ETS1: variants seen among roughly 807,000 people sequenced by gnomAD.
ETS1 encodes the protein protein C-ets-1.
In ETS1, 15 loss-of-function variants were observed where a neutral mutation model predicts 58.6. That is an observed-to-expected ratio of 0.26 (90% CI 0.17 to 0.39). ETS1 has a LOEUF of 0.39. ETS1 is among the 10% of genes least tolerant of loss of function. The pLI is 1.00. For synonymous variants in ETS1, 214 were observed against 218.2 expected, an observed-to-expected ratio of 0.98 and a Z score of 0.17; for missense variants, 417 against 610.5, an observed-to-expected ratio of 0.68 and a Z score of 3.34.
At chr11:128,521,476 G>A (rs572298927) in intron 3 of ETS1, among the ~76,000 whole-genome samples, 1 of 152,268 alleles carries the variant, frequency 6.6e-6, no homozygotes, top group Middle Eastern at 3.4e-3. Flanking sequence ...AGGCCAACCC[G>A]TTAGACTGCC....
At chr11:128,485,111 T>G (rs1388034500) in intron 6 of ETS1, 40 bp from the exon 7 acceptor site, 1 of 1,583,878 alleles carries the variant, frequency 6.3e-7, no homozygotes, top group African/African-American at 1.4e-5. Context: ...AGGAGAGATT[T>G]GTACCTAAAA....
chr11:128,552,109 G>A (rs977495518), intron 3 of ETS1, among the ~76,000 whole-genome samples: 1 of 152,090 alleles, frequency 6.6e-6, no homozygotes, highest in Admixed American at 6.5e-5. Context: ...TAGTGATGCT[G>A]CTGGTCTGGG....
rs1862099030 is a variant in ETS1, at chr11:128,468,501, A to T, written c.1124-4874T>A. On this transcript the variant is annotated intron_variant, in intron 8 of 9. Coordinates refer to ENST00000392668, the MANE Select transcript of ETS1 (RefSeq NM_001143820.2). The stretch of plus-strand genomic sequence containing the variant: ...GGAGTTGCCTGCCTGTGACAAGGAC[A>T]TCCTCACAGCAAGTGAACAGGGTCA... 2.0e-5 allele frequency among the ~76,000 whole-genome samples: 3 copies of T among 152,168 alleles called. No homozygotes were observed. In the East Asian group the frequency reaches 5.8e-4, roughly 29 times the overall value.
chr11:128,475,079 A>C (rs1234431512), intron 8 of ETS1, among the ~76,000 whole-genome samples: 1 of 152,260 alleles, frequency 6.6e-6, no homozygotes, highest in African/African-American at 2.4e-5. Flanking sequence ...TTATCTCCCC[A>C]AATTAAAAGG....
chr11:128,544,913 C>T (rs963884455), intron 3 of ETS1, among the ~76,000 whole-genome samples: 4 of 151,606 alleles, frequency 2.6e-5, no homozygotes, highest in Admixed American at 2.0e-4. Context: ...AACTTCAGCA[C>T]GTGCTGTGTA....
At chr11:128,519,160 T>C (rs1863599438) in intron 3 of ETS1, among the ~76,000 whole-genome samples, 1 of 152,242 alleles carries the variant, frequency 6.6e-6, no homozygotes, top group Non-Finnish European at 1.5e-5. Context: ...GAAAAGTCAA[T>C]TCTACTGTTA....
intron 3 of ETS1, among the ~76,000 whole-genome samples, chr11:128,550,663 G>A (rs576868071): frequency 2.6e-5 from 4 of 152,228 alleles, no homozygotes; most frequent in South Asian, 2.1e-4. Flanking sequence ...CCCCAACCTC[G>A]GCCTTCTGTG....
Position 128,463,470 on chromosome 11 carries a change from C to T in ETS1, c.1242+39G>A. ...CCCCTTCCAGGAGTTTTCTCTCATC[C>T]TTCCTCAACACAGTACTCGCAAGCC... On this transcript the variant is annotated intron_variant, in intron 9 of 9. Coordinates refer to ENST00000392668, the MANE Select transcript of ETS1 (RefSeq NM_001143820.2). The surrounding 1 kb of genome is among the most constrained non-coding windows in gnomAD (Gnocchi z 4.1). The T allele has an allele frequency of 8.6e-7, 1 of 1,168,024 alleles. No individual in the cohort carries two copies. The highest frequency in any genetic ancestry group is 1.3e-6 in the Non-Finnish European group (1 of 775,114). 72.4% of individuals were successfully genotyped at this position (1,168,024 alleles called of 1,614,324 possible). A position where few individuals can be genotyped will look rare whatever the true frequency, so the allele number is the denominator to read the frequency against.
At position 128,489,496 on chromosome 11, in the gene ETS1, G is replaced by C; in HGVS notation, c.335-6C>G. ...TTCTGTCCACTGCCGGGGGTCTGAG[G>C]AAAGAGATCAGATGAAGATCCAGCA... On this transcript the variant is annotated splice_region_variant and splice_polypyrimidine_tract_variant and intron_variant, in intron 4 of 9. Transcript: ENST00000392668. 1 of 1,612,842 alleles carries C rather than the reference G, an allele frequency of 6.2e-7. No individual in the cohort carries two copies. The highest frequency in any genetic ancestry group is 1.1e-5 in the South Asian group (1 of 91,042).
intron 3 of ETS1, among the ~76,000 whole-genome samples, chr11:128,548,925 G>GGGGTC (rs1864182077): frequency 6.6e-6 from 1 of 152,162 alleles, no homozygotes; most frequent in African/African-American, 2.4e-5. Context: ...CATGGCCCAA[G>GGGGTC]TGTTTACTCT....
At position 128,585,324 on chromosome 11, in the gene ETS1, GAAGGAAGCAAGGAAGGAAGGAAGC is replaced by G. The variant is rs1865010348; in HGVS notation, c.-15+2140_-15+2163del. Among the ~76,000 whole-genome samples the G allele has an allele frequency of 2.8e-5, 4 of 142,496 alleles. No individual in the cohort carries two copies. In the South Asian group the frequency reaches 9.1e-4, roughly 33 times the overall value. The allele number at this position is 142,496 out of a possible 152,430, so 93.5% of individuals were successfully genotyped here. Reference sequence around the variant, plus strand: ...GGAGGGAAGGGAGGGAAGAAGGAAGGAAGGAAGCAAGGAAGGAAGGAAGCAAGGAAGGAAGGAAGGGTCCCAGCT... The same window carrying G: ...GGAGGGAAGGGAGGGAAGAAGGAAGGAAGGAAGGAAGGAAGGGTCCCAGCT... On this transcript the variant is annotated intron_variant, in intron 1 of 9. Transcript: ENST00000392668.
At chr11:128,534,301 T>G (rs992848412) in intron 3 of ETS1, among the ~76,000 whole-genome samples, 2 of 152,206 alleles carry the variant, frequency 1.3e-5, no homozygotes, top group African/African-American at 2.4e-5. Flanking sequence ...TTCTTGGATG[T>G]CCCATACAGA....
intron 8 of ETS1, among the ~76,000 whole-genome samples, chr11:128,466,835 G>C (rs1862051019): frequency 6.6e-6 from 1 of 151,880 alleles, no homozygotes; most frequent in Non-Finnish European, 1.5e-5. Flanking sequence ...GATACCTAAA[G>C]AAATAATGGG....
At chr11:128,539,790 G>A (rs369366601) in intron 3 of ETS1, among the ~76,000 whole-genome samples, 1 of 152,184 alleles carries the variant, frequency 6.6e-6, no homozygotes, top group Non-Finnish European at 1.5e-5. Context: ...TTATTTTGAT[G>A]ATAAAAGGAT....
intron 4 of ETS1, among the ~76,000 whole-genome samples, chr11:128,489,874 C>T (rs551967793): frequency 1.3e-5 from 2 of 152,298 alleles, no homozygotes; most frequent in South Asian, 4.1e-4. Context: ...TTGCTCATGC[C>T]TCTCCCTGCT....
intron 2 of ETS1, among the ~76,000 whole-genome samples, chr11:128,568,811 G>A (rs1360962013): frequency 7.2e-5 from 11 of 152,188 alleles, no homozygotes; most frequent in African/African-American, 4.8e-5. Flanking sequence ...CAAGGACTCC[G>A]AGACTTAGCT....
chr11:128,486,925 C>T (rs1862649315), intron 5 of ETS1, among the ~76,000 whole-genome samples: 1 of 152,176 alleles, frequency 6.6e-6, no homozygotes, highest in Non-Finnish European at 1.5e-5. Flanking sequence ...TTATATTTCA[C>T]CATAAGAATC....
At chr11:128,578,092 G>A (rs1864789650) in intron 1 of ETS1, among the ~76,000 whole-genome samples, 1 of 152,156 alleles carries the variant, frequency 6.6e-6, no homozygotes, top group African/African-American at 2.4e-5. Context: ...CTTGATTCTA[G>A]AGAGTTCTAT....
chr11:128,498,307 G>A (rs1193937491), intron 3 of ETS1, among the ~76,000 whole-genome samples: 2 of 152,102 alleles, frequency 1.3e-5, no homozygotes, highest in Non-Finnish European at 2.9e-5. Flanking sequence ...AAGGAATCTG[G>A]CAATTTCTCC....
Sources: gnomAD v4.1 joint callset for allele counts (sites outside exome capture counted in the v4.1 genomes callset) on GRCh38, gnomAD v4.1.1 for gene constraint, Gnocchi (gnomAD v3.1) non-coding constraint, MANE v1.5 for transcripts, NCBI Gene and HGNC (gene_info 2026-07-23, HGNC 2026-07-21) for gene names.